Variants in KIF6 observed in about 807,000 individuals in gnomAD.
KIF6 encodes the protein kinesin-like protein KIF6.
KIF6 carries 106 observed loss-of-function variants against 112.7 expected under a neutral mutation model. That is an observed-to-expected ratio of 0.94 (90% confidence interval 0.80 to 1.11). The LOEUF is 1.11. Among genes scored for constraint, KIF6 ranks in the 50% least tolerant of loss-of-function variants. KIF6 has a pLI of 0.00. For synonymous variants in KIF6, 339 were observed against 339.9 expected (o/e 1.00, Z 0.03); for missense variants, 929 against 964.0 (o/e 0.96, Z 0.48).
chr6:39,438,359 G>A (rs1403859222), intron 13 of KIF6, among the ~76,000 whole-genome samples: 2 of 152,136 alleles, frequency 1.3e-5, no homozygotes, highest in African/African-American at 2.4e-5. Flanking sequence ...GGTCCTTCAG[G>A]AAGTATTCCA....
intron 7 of KIF6, among the ~76,000 whole-genome samples, chr6:39,587,194 T>A (rs1781684497): frequency 1.3e-5 from 2 of 152,166 alleles, no homozygotes; most frequent in Non-Finnish European, 2.9e-5. Context: ...GGCTCAGGGT[T>A]ATCCCGGGCA....
At position 39,378,297 on chromosome 6, in the gene KIF6, A is replaced by C. The variant is rs2150300298; in HGVS notation, c.1861+7325T>G. On this transcript the variant is annotated intron_variant, in intron 16 of 22. Coordinates refer to ENST00000287152, the MANE Select transcript of KIF6 (RefSeq NM_145027.6). This position sits in a 1 kb window ranked among gnomAD's most constrained non-coding sequence, Gnocchi z 5.0. ...CCACACACACATACACACCACACACACAAGCACAAAACACACATACAACAC... is the reference window on the plus strand; with the variant it reads ...CCACACACACATACACACCACACACCCAAGCACAAAACACACATACAACAC... Among the ~76,000 whole-genome samples the C allele has an allele frequency of 6.6e-6, 1 of 152,016 alleles. No individual in the cohort carries two copies. The highest frequency in any genetic ancestry group is 2.4e-5 in the African/African-American group (1 of 41,464).
chr6:39,435,495 G>A (rs1004938136), intron 13 of KIF6, among the ~76,000 whole-genome samples: 2 of 152,110 alleles, frequency 1.3e-5, no homozygotes, highest in African/African-American at 2.4e-5. Context: ...AGTGTACATT[G>A]TACCCAATAG....
intron 6 of KIF6, among the ~76,000 whole-genome samples, chr6:39,598,323 A>T (rs1270938626): frequency 6.6e-6 from 1 of 152,220 alleles, no homozygotes; most frequent in Non-Finnish European, 1.5e-5. Flanking sequence ...TAAAATGCTC[A>T]AATTTATACA....
At chr6:39,476,028 A>C (rs1272956898) in intron 13 of KIF6, among the ~76,000 whole-genome samples, 1 of 151,568 alleles carries the variant, frequency 6.6e-6, no homozygotes, top group East Asian at 2.0e-4. Context: ...GAGAGGAACA[A>C]CACATACTCG....
chr6:39,351,521 T>C (rs2150238233), intron 19 of KIF6, among the ~76,000 whole-genome samples: 1 of 152,258 alleles, frequency 6.6e-6, no homozygotes, highest in African/African-American at 2.4e-5. Flanking sequence ...CCCAAAGTAC[T>C]GGGATTACAG....
In KIF6 at chr6:39,626,037, G is replaced by A. The variant is rs2446652; in HGVS notation, c.509+8812C>T. ...ATTGTGAGGATGGGAACAAAAAGCA[G>A]CGGGCACATGAATGTGTTGCTCAGC... On this transcript the variant is annotated intron_variant, in intron 5 of 22. Transcript: ENST00000287152. Among the ~76,000 whole-genome samples the A allele has an allele frequency of 2.0e-5, 3 of 151,856 alleles. No individual in the cohort carries two copies. In the East Asian group the frequency reaches 5.8e-4, roughly 29 times the overall value.
intron 16 of KIF6, among the ~76,000 whole-genome samples, chr6:39,366,058 TG>T (rs1455899924): frequency 2.6e-5 from 4 of 152,248 alleles, no homozygotes; most frequent in African/African-American, 9.6e-5. Context: ...GCAGGTTCCC[TG>T]GCAGGTCACA....
At chr6:39,521,151 A>G (rs1284577856) in intron 13 of KIF6, among the ~76,000 whole-genome samples, 1 of 152,196 alleles carries the variant, frequency 6.6e-6, no homozygotes, top group East Asian at 1.9e-4. Flanking sequence ...CAGTGTAATT[A>G]TTGTCTCTCA....
At position 39,639,750 on chromosome 6, in the gene KIF6, C is replaced by T. The variant is rs986823205; in HGVS notation, c.259G>A (p.Ala87Thr). Reference sequence around the variant, plus strand: ...GCAAAGATGGTACCATTGTAACCTGCCAGGACACTGCAATAAAGAAATGAC... The same window carrying T: ...GCAAAGATGGTACCATTGTAACCTGTCAGGACACTGCAATAAAGAAATGAC... ...IAKPVAGSVL[A>T]GYNGTIFAYG... The change falls in exon 4 of 23, where the codon GCA becomes ACA. Residue 87 changes from alanine (A) to threonine (T), a missense_variant. Physicochemically the swap from Ala to Thr is moderately conservative, Grantham distance 58. Transcript: ENST00000287152. The T allele has an allele frequency of 6.2e-7, 1 of 1,608,666 alleles. No individual in the cohort carries two copies.
At chr6:39,516,929 C>G (rs998307117) in intron 13 of KIF6, among the ~76,000 whole-genome samples, 1 of 152,120 alleles carries the variant, frequency 6.6e-6, no homozygotes. Flanking sequence ...ACAGTTGTAC[C>G]TGACTTGGAG....
intron 15 of KIF6, among the ~76,000 whole-genome samples, chr6:39,386,532 C>T (rs773128808): frequency 3.9e-5 from 6 of 152,036 alleles, no homozygotes; most frequent in Non-Finnish European, 7.4e-5. Flanking sequence ...TGAAAGCAGA[C>T]TTGGGGCTTA....
chr6:39,338,251 G>T (rs1161212131), intron 22 of KIF6, among the ~76,000 whole-genome samples: 1 of 152,230 alleles, frequency 6.6e-6, no homozygotes, highest in Admixed American at 6.5e-5. Flanking sequence ...AGCCCTCCAG[G>T]TTCGGCCACA....
At chr6:39,702,122 C>T (rs1222984117) in intron 3 of KIF6, among the ~76,000 whole-genome samples, 2 of 152,206 alleles carry the variant, frequency 1.3e-5, no homozygotes, top group Non-Finnish European at 2.9e-5. Context: ...TTACCTTTGT[C>T]TAGTATAGCC....
At chr6:39,419,579 G>A (rs1434217777) in intron 15 of KIF6, among the ~76,000 whole-genome samples, 1 of 152,076 alleles carries the variant, frequency 6.6e-6, no homozygotes. Flanking sequence ...AGAAGCTTTG[G>A]GAGGTGTAAG....
chr6:39,355,459 C>CTT (rs574801087), intron 19 of KIF6, among the ~76,000 whole-genome samples: 296 of 82,686 alleles, frequency 3.6e-3, no homozygotes, highest in Middle Eastern at 0.015. Flanking sequence ...TTTAAGAAGT[C>CTT]TTTTTTTTTT....
At chr6:39,691,845 G>C (rs769597332) in intron 3 of KIF6, 1 of 152,188 alleles carries the variant, frequency 6.6e-6, no homozygotes, top group African/African-American at 2.4e-5. Flanking sequence ...TTGCTGGGTT[G>C]ATCCAGTTCC....
At chr6:39,698,780 C>T (rs1265009155) in intron 3 of KIF6, among the ~76,000 whole-genome samples, 1 of 152,146 alleles carries the variant, frequency 6.6e-6, no homozygotes, top group South Asian at 2.1e-4. Flanking sequence ...ACTCTGAAAG[C>T]TTTTTATGGC....
intron 14 of KIF6, among the ~76,000 whole-genome samples, chr6:39,428,146 TA>T (rs911096913): frequency 6.6e-6 from 1 of 152,216 alleles, no homozygotes; most frequent in African/African-American, 2.4e-5. Context: ...ATCTGCTTTT[TA>T]AAAAGAGATG....
Sources: allele counts gnomAD v4.1 joint callset (sites outside exome capture counted in the v4.1 genomes callset), GRCh38; gene constraint gnomAD v4.1.1; non-coding constraint Gnocchi (gnomAD v3.1); transcripts MANE v1.5; gene names NCBI Gene and HGNC (gene_info 2026-07-23, HGNC 2026-07-21).